The following RAPGEF6 variants were observed in gnomAD, a reference collection of about 807,000 sequenced individuals.
RAPGEF6 encodes PDZ domain containing guanine nucleotide exchange factor (GEF) 2.
Under a neutral mutation model 171.4 loss-of-function variants are expected in RAPGEF6, and 56 were observed. That is an observed-to-expected ratio of 0.33 (90% CI 0.26 to 0.41). RAPGEF6 has a LOEUF of 0.41. Among genes scored for constraint, RAPGEF6 ranks in the 10% least tolerant of loss-of-function variants. The pLI, the probability that RAPGEF6 is intolerant of heterozygous loss-of-function variation, is 1.00. For synonymous variants in RAPGEF6, 692 were observed against 650.1 expected (o/e 1.06, Z -0.98); for missense variants, 1,674 against 1,921.4 (o/e 0.87, Z 2.41).
chr5:131,430,390 C>T (rs2149804590), intron 26 of RAPGEF6, among the ~76,000 whole-genome samples: 1 of 152,130 alleles, frequency 6.6e-6, no homozygotes, highest in East Asian at 1.9e-4. Flanking sequence ...ATGATGTACA[C>T]CAAGAGAGTA....
At chr5:131,630,527 G>A (rs1422174928) in intron 1 of RAPGEF6, among the ~76,000 whole-genome samples, 1 of 152,182 alleles carries the variant, frequency 6.6e-6, no homozygotes, top group Non-Finnish European at 1.5e-5. Context: ...GAGTATTTAA[G>A]TCTGAAATTT....
intron 16 of RAPGEF6, 65 bp downstream of exon 16, chr5:131,479,448 A>G: frequency 6.4e-7 from 1 of 1,567,656 alleles, no homozygotes; most frequent in Non-Finnish European, 8.7e-7. Context: ...GCCTCCCCCC[A>G]CCCCAAATAA....
intron 4 of RAPGEF6, among the ~76,000 whole-genome samples, chr5:131,570,074 G>C (rs1282731174): frequency 1.7e-5 from 2 of 117,954 alleles, no homozygotes; most frequent in African/African-American, 3.1e-5. Context: ...AAAAAAGCCA[G>C]AGACTGAGAG....
At position 131,438,963 on chromosome 5, in the gene RAPGEF6, C is replaced by T. The variant is rs1315197251; in HGVS notation, c.3745+618G>A. Among the ~76,000 whole-genome samples, 7 of 152,124 alleles carry T rather than the reference C, an allele frequency of 4.6e-5. No homozygotes were observed. The East Asian group carries it at 7.7e-4, about 17-fold the overall frequency. On this transcript the variant is annotated intron_variant, in intron 24 of 27. Transcript: ENST00000509018. ...TTTGAGACAGGGTCTTGCTGTGTTG[C>T]CCAGGTTGAAGTACAGTGGCATGAT... is the stretch of plus-strand genomic sequence containing the variant.
chr5:131,479,656 C>T lies in RAPGEF6; in HGVS notation c.1938G>A (p.Gln646=). 1 of 1,613,984 alleles carries T rather than the reference C, an allele frequency of 6.2e-7. No individual in the cohort carries two copies. The highest frequency in any genetic ancestry group is 8.5e-7 in the Non-Finnish European group (1 of 1,179,988). ...TCTGTTCAATATCTCCTGGCACATG[C>T]TGGATAGAATGGCGATTACTTTTTT... The part of the protein sequence containing the change: ...AEKKSNRHSI[Q]HVPGDIEQTS... The change falls in exon 16 of 28, where the codon CAG becomes CAA. Residue 646 remains glutamine (Q), a synonymous_variant. Coordinates refer to ENST00000509018, the MANE Select transcript of RAPGEF6 (RefSeq NM_016340.6).
At chr5:131,531,389 C>A (rs1484565330) in intron 6 of RAPGEF6, among the ~76,000 whole-genome samples, 1 of 152,160 alleles carries the variant, frequency 6.6e-6, no homozygotes, top group East Asian at 1.9e-4. Context: ...TAAATAGCCA[C>A]TGTGTATAAT....
At chr5:131,463,862 T>C (rs1754127222) in intron 18 of RAPGEF6, 179 bp downstream of exon 18, 1 of 1,307,460 alleles carries the variant, frequency 7.6e-7, no homozygotes, top group African/African-American at 1.5e-5. Context: ...AACTAGATTA[T>C]ATCAGTGGTT....
chr5:131,599,357 G>A (rs748527400), intron 3 of RAPGEF6, among the ~76,000 whole-genome samples: 5 of 151,772 alleles, frequency 3.3e-5, no homozygotes, highest in African/African-American at 7.3e-5. Flanking sequence ...ACAACAAAAC[G>A]AACAAACAAA....
At chr5:131,634,781 G>A (rs548501606) in intron 1 of RAPGEF6, among the ~76,000 whole-genome samples, 181 bp downstream of exon 1, 1 of 152,230 alleles carries the variant, frequency 6.6e-6, no homozygotes, top group Non-Finnish European at 1.5e-5. Context: ...ATCACAGGCA[G>A]GAAGGGCGGT....
chr5:131,442,201 A>T lies in RAPGEF6; in HGVS notation c.3610+148T>A, dbSNP rs964114739. The T allele has an allele frequency of 6.5e-6, 5 of 773,150 alleles. No homozygotes were observed. In the Admixed American group the frequency reaches 1.1e-4, roughly 16 times the overall value. The allele number at this position is 773,150 out of a possible 1,614,324, so 47.9% of individuals were successfully genotyped here. ...GCTGTCAGCAAACATCTATAGGCAA[A>T]ATGAAATCAACATTTTTGATTCATA... On this transcript the variant is annotated intron_variant, in intron 23 of 27. Coordinates refer to ENST00000509018, the MANE Select transcript of RAPGEF6 (RefSeq NM_016340.6).
chr5:131,556,415 T>G (rs1313146712), intron 5 of RAPGEF6, among the ~76,000 whole-genome samples: 10 of 151,760 alleles, frequency 6.6e-5, no homozygotes, highest in Non-Finnish European at 1.0e-4. Context: ...TCAAAAATAA[T>G]AATAAGAAGA....
chr5:131,531,226 T>C (rs1431299661), intron 6 of RAPGEF6, among the ~76,000 whole-genome samples: 1 of 152,162 alleles, frequency 6.6e-6, no homozygotes, highest in Admixed American at 6.5e-5. Flanking sequence ...CAGACCATAC[T>C]AAGAAGTGCC....
At chr5:131,476,178 A>AT (rs1206465577) in intron 16 of RAPGEF6, among the ~76,000 whole-genome samples, 2 of 152,186 alleles carry the variant, frequency 1.3e-5, no homozygotes, top group Non-Finnish European at 2.9e-5. Context: ...GTAGTTGGAC[A>AT]TTTAGGGTGC....
intron 25 of RAPGEF6, among the ~76,000 whole-genome samples, chr5:131,432,814 C>A (rs1162939521): frequency 6.6e-6 from 1 of 151,888 alleles, no homozygotes; most frequent in African/African-American, 2.4e-5. Flanking sequence ...GTGTAGAGAT[C>A]CTAGTTTAGA....
chr5:131,429,782 G>A (rs928431804), intron 26 of RAPGEF6, among the ~76,000 whole-genome samples: 4 of 152,026 alleles, frequency 2.6e-5, no homozygotes, highest in Admixed American at 6.6e-5. Context: ...GGCCAGGTGC[G>A]GTGGTTCACG....
At position 131,528,323 on chromosome 5, in the gene RAPGEF6, A is replaced by ATT. The variant is rs879860700; in HGVS notation, c.496-6803_496-6802insAA. ...AATAATATATTTATATTATATATAT[A>ATT]TATATATATATATATACACACACAC... On this transcript the variant is annotated intron_variant, in intron 6 of 27. Coordinates refer to ENST00000509018, the MANE Select transcript of RAPGEF6 (RefSeq NM_016340.6). Among the ~76,000 whole-genome samples, 498 of 109,324 alleles carry ATT rather than the reference A, an allele frequency of 4.6e-3. 21 individuals are homozygous for ATT. The highest frequency in any genetic ancestry group is 8.9e-3 in the South Asian group (37 of 4,156). 71.7% of individuals were successfully genotyped at this position (109,324 alleles called of 152,430 possible).
At chr5:131,496,062 C>T (rs960535763) in intron 12 of RAPGEF6, among the ~76,000 whole-genome samples, 1 of 152,138 alleles carries the variant, frequency 6.6e-6, no homozygotes, top group Non-Finnish European at 1.5e-5. Flanking sequence ...AAATCTGAGT[C>T]TGGTGCAGTG....
chr5:131,469,767 G>T, intron 17 of RAPGEF6: 1 of 1,423,562 alleles, frequency 7.0e-7, no homozygotes, highest in Non-Finnish European at 9.4e-7. Context: ...TACAAACAAG[G>T]GCAATAGAAT....
At chr5:131,493,470 T>G (rs1211156574) in intron 13 of RAPGEF6, among the ~76,000 whole-genome samples, 1 of 152,220 alleles carries the variant, frequency 6.6e-6, no homozygotes, top group Admixed American at 6.5e-5. Context: ...ATTCAAAACC[T>G]TGAACAACTT....
Sources: allele counts gnomAD v4.1 joint callset (sites outside exome capture counted in the v4.1 genomes callset), GRCh38; gene constraint gnomAD v4.1.1; transcripts MANE v1.5; gene names NCBI Gene and HGNC (gene_info 2026-07-23, HGNC 2026-07-21).